INPP4B: variants seen among roughly 807,000 people sequenced by gnomAD.
The protein encoded by INPP4B is inositol polyphosphate-4-phosphatase type II B.
INPP4B carries 55 observed loss-of-function variants against 122.5 expected under a neutral mutation model. That is an observed-to-expected ratio of 0.45 (90% CI 0.36 to 0.56). INPP4B has a LOEUF of 0.56. INPP4B is among the 20% of genes least tolerant of loss of function. The pLI is 0.00. For synonymous variants in INPP4B, 403 were observed against 388.7 expected, an observed-to-expected ratio of 1.04 and a Z score of -0.43; for missense variants, 1,000 against 1,097.7, an observed-to-expected ratio of 0.91 and a Z score of 1.26.
At chr4:142,556,800 C>T (rs1014587882) in intron 2 of INPP4B, among the ~76,000 whole-genome samples, 4 of 152,066 alleles carry the variant, frequency 2.6e-5, no homozygotes, top group African/African-American at 9.7e-5. Flanking sequence ...GGGATAGGGG[C>T]CTAAAAGAAG....
intron 17 of INPP4B, among the ~76,000 whole-genome samples, chr4:142,148,134 G>C (rs1256037050): frequency 1.3e-5 from 2 of 151,994 alleles, no homozygotes; most frequent in Non-Finnish European, 2.9e-5. Context: ...CTCTGCTACT[G>C]AGGAAAAAAA....
At chr4:142,492,438 G>A (rs1237450025) in intron 2 of INPP4B, among the ~76,000 whole-genome samples, 2 of 152,106 alleles carry the variant, frequency 1.3e-5, no homozygotes, top group African/African-American at 4.8e-5. Context: ...GAGACTTGGA[G>A]GGTTCAGAAG....
intron 2 of INPP4B, among the ~76,000 whole-genome samples, chr4:142,530,639 A>G (rs1827495882): frequency 6.6e-6 from 1 of 151,752 alleles, no homozygotes; most frequent in African/African-American, 2.4e-5. Context: ...AGAAAAAAAT[A>G]ATTGAGAACA....
At chr4:142,478,380 C>T (rs1417086205) in intron 2 of INPP4B, among the ~76,000 whole-genome samples, 2 of 151,602 alleles carry the variant, frequency 1.3e-5, no homozygotes, top group Non-Finnish European at 2.9e-5. Context: ...TTTGCCCATT[C>T]AATATGATGT....
intron 15 of INPP4B, 84 bp from the exon 16 acceptor site, chr4:142,173,893 G>C: frequency 1.9e-5 from 20 of 1,054,418 alleles, no homozygotes; most frequent in Non-Finnish European, 2.9e-5. Flanking sequence ...ATGATAAACA[G>C]AACTCCAAGT....
chr4:142,838,913 C>A (rs916337848), intron 1 of INPP4B, among the ~76,000 whole-genome samples: 6 of 152,180 alleles, frequency 3.9e-5, no homozygotes, highest in African/African-American at 1.2e-4. Flanking sequence ...ACAGACTGCC[C>A]TAGAAAGTGA....
intron 15 of INPP4B, among the ~76,000 whole-genome samples, chr4:142,174,071 T>C (rs1039392106): frequency 2.0e-5 from 3 of 152,214 alleles, no homozygotes; most frequent in Admixed American, 6.5e-5. Flanking sequence ...ATGTCAAGTA[T>C]ATGTAATGGC....
intron 2 of INPP4B, among the ~76,000 whole-genome samples, chr4:142,721,647 C>T (rs1764698323): frequency 6.6e-6 from 1 of 152,022 alleles, no homozygotes; most frequent in Admixed American, 6.6e-5. Flanking sequence ...ACAGTGAAAC[C>T]CCGTCTCTAC....
At chr4:142,199,476 A>G (rs1839771844) in intron 14 of INPP4B, among the ~76,000 whole-genome samples, 1 of 152,032 alleles carries the variant, frequency 6.6e-6, no homozygotes, top group African/African-American at 2.4e-5. Flanking sequence ...CAATATTTCC[A>G]TGGAATTTGA....
intron 18 of INPP4B, among the ~76,000 whole-genome samples, chr4:142,132,887 T>C (rs575897429): frequency 5.3e-5 from 8 of 152,336 alleles, no homozygotes; most frequent in African/African-American, 1.9e-4. Context: ...GAGTTGTCTA[T>C]ACAGGTTGTC....
intron 2 of INPP4B, among the ~76,000 whole-genome samples, chr4:142,601,872 G>A (rs545619087): frequency 6.6e-6 from 1 of 150,670 alleles, no homozygotes; most frequent in East Asian, 2.0e-4. Flanking sequence ...GGGAGGCTGA[G>A]GCAGGAGAAT....
intron 25 of INPP4B, among the ~76,000 whole-genome samples, chr4:142,054,050 A>G (rs1361570518): frequency 7.4e-6 from 1 of 134,428 alleles, no homozygotes. Context: ...CCTCACCTTC[A>G]TGTATTGTCT....
chr4:142,313,737 A>G (rs1766419035), intron 8 of INPP4B, among the ~76,000 whole-genome samples: 1 of 152,224 alleles, frequency 6.6e-6, no homozygotes, highest in African/African-American at 2.4e-5. Context: ...AAGTCAAAGC[A>G]GTTACTCAAC....
At chr4:142,047,942 A>T (rs910772062) in intron 25 of INPP4B, among the ~76,000 whole-genome samples, 1 of 152,118 alleles carries the variant, frequency 6.6e-6, no homozygotes, top group African/African-American at 2.4e-5. Context: ...GATAAAGAAG[A>T]AAGGAAATTA....
At chr4:142,483,386 A>G (rs1820818788) in intron 2 of INPP4B, among the ~76,000 whole-genome samples, 1 of 151,792 alleles carries the variant, frequency 6.6e-6, no homozygotes, top group Admixed American at 6.6e-5. Context: ...TTTAGCTAAG[A>G]TCTTTACCAC....
chr4:142,551,360 T>C (rs1253523722), intron 2 of INPP4B, among the ~76,000 whole-genome samples: 1 of 152,128 alleles, frequency 6.6e-6, no homozygotes, highest in Admixed American at 6.5e-5. Context: ...GGAAAGAACT[T>C]GTGGGGCCAT....
At chr4:142,517,402 G>A (rs778013381) in intron 2 of INPP4B, among the ~76,000 whole-genome samples, 22 of 151,970 alleles carry the variant, frequency 1.4e-4, no homozygotes, top group Admixed American at 6.6e-5. Context: ...CAGACACTTA[G>A]CCTAATTAAA....
At chr4:142,339,928 G>GA (rs1778093956) in intron 7 of INPP4B, among the ~76,000 whole-genome samples, 2 of 151,942 alleles carry the variant, frequency 1.3e-5, no homozygotes, top group Non-Finnish European at 1.5e-5. Flanking sequence ...TTATTAAACT[G>GA]AAAAAAGGAA....
chr4:142,481,877 G>T (rs1820595341), intron 2 of INPP4B, among the ~76,000 whole-genome samples: 1 of 152,152 alleles, frequency 6.6e-6, no homozygotes, highest in South Asian at 2.1e-4. Flanking sequence ...TAAGGAACTG[G>T]ACTTCTATGT....
Sources: allele counts gnomAD v4.1 joint callset (sites outside exome capture counted in the v4.1 genomes callset), GRCh38; gene constraint gnomAD v4.1.1; transcripts MANE v1.5; gene names NCBI Gene and HGNC (gene_info 2026-07-23, HGNC 2026-07-21).